Variants in HYAL4 observed in about 807,000 individuals in gnomAD.
The protein encoded by HYAL4 is hyaluronidase 4, also known as hyaluronidase-4.
In HYAL4, 37 loss-of-function variants were observed where a neutral mutation model predicts 35.2. The ratio of observed to expected loss-of-function variants is 1.05; its 90% confidence interval spans 0.81 to 1.38. The LOEUF (loss-of-function observed/expected upper bound fraction) is 1.38, where lower values mean the gene tolerates loss of function less well. HYAL4 is among the 40% of genes most tolerant of loss of function. The pLI is 0.00. For synonymous variants in HYAL4, 198 were observed against 203.2 expected (o/e 0.97, Z 0.22); for missense variants, 572 against 572.4 (o/e 1.00, Z 0.01).
chr7:123,807,371 A>G, the HYAL4 span, among the ~76,000 whole-genome samples: 1 of 151,626 alleles, frequency 6.6e-6, no homozygotes, highest in Non-Finnish European at 1.5e-5. Context: ...GGATGTCATC[A>G]TTAGAGTTCA....
At chr7:123,873,587 A>G (rs1388197321) in intron 3 of HYAL4, among the ~76,000 whole-genome samples, 1 of 152,172 alleles carries the variant, frequency 6.6e-6, no homozygotes, top group Non-Finnish European at 1.5e-5. Flanking sequence ...TCTAGCGTTT[A>G]ATTGGTAGAA....
rs567910686 is a variant in HYAL4 at position 123,849,447 on chromosome 7, C to T, written c.-52+1289C>T. Among the ~76,000 whole-genome samples the T allele has an allele frequency of 4.0e-5, 6 of 151,880 alleles. No homozygotes were observed. In the South Asian group the frequency reaches 8.3e-4, roughly 21 times the overall value. On this transcript the variant is annotated intron_variant, in intron 2 of 4. Coordinates refer to ENST00000223026, the MANE Select transcript of HYAL4 (RefSeq NM_012269.3). ...TCCTAAGTAGCTGGGATTACAGGCA[C>T]CCACCACCACGTCTGGCTAATTTTT...
At position 123,877,363 on chromosome 7, in the gene HYAL4, T is replaced by C. The variant is rs1807056540; in HGVS notation, c.*208T>C. On this transcript the variant is annotated 3_prime_UTR_variant, in exon 5 of 5. Coordinates refer to ENST00000223026, the MANE Select transcript of HYAL4 (RefSeq NM_012269.3). Reference sequence around the variant, plus strand: ...GATCTGGGGTAAAGTCAATGTACACTTCCTCCTTATTGGAATATTTAAGTT... The same window carrying C: ...GATCTGGGGTAAAGTCAATGTACACCTCCTCCTTATTGGAATATTTAAGTT... 4.1e-6 allele frequency: 2 copies of C among 485,732 alleles called. No homozygotes were observed. Among genetic ancestry groups the C allele is most frequent in the African/African-American group, 3.8e-5 (2 of 52,316 alleles). 30.1% of individuals were successfully genotyped at this position (485,732 alleles called of 1,614,324 possible). A position where few individuals can be genotyped will look rare whatever the true frequency, so the allele number is the denominator to read the frequency against.
chr7:123,788,293 A>T, the HYAL4 span, among the ~76,000 whole-genome samples: 3 of 152,208 alleles, frequency 2.0e-5, no homozygotes, highest in African/African-American at 7.2e-5. Flanking sequence ...AAAAATGCTC[A>T]ATGAACTGAA....
At chr7:123,855,755 G>A (rs1050023273) in intron 2 of HYAL4, among the ~76,000 whole-genome samples, 4 of 152,048 alleles carry the variant, frequency 2.6e-5, no homozygotes, top group Non-Finnish European at 5.9e-5. Context: ...GCCTTGCTTG[G>A]TTGGGGAAGT....
the HYAL4 span, among the ~76,000 whole-genome samples, chr7:123,811,444 T>C: frequency 6.6e-6 from 1 of 152,198 alleles, no homozygotes; most frequent in Non-Finnish European, 1.5e-5. Context: ...TCTAAGGACA[T>C]ATAATGTTGA....
chr7:123,788,840 G>A, the HYAL4 span, among the ~76,000 whole-genome samples: 4 of 152,180 alleles, frequency 2.6e-5, no homozygotes, highest in African/African-American at 4.8e-5. Context: ...ACCTCTGTTC[G>A]TAAAATTCCT....
At chr7:123,865,045 T>C (rs1399548595) in intron 2 of HYAL4, among the ~76,000 whole-genome samples, 1 of 148,792 alleles carries the variant, frequency 6.7e-6, no homozygotes, top group African/African-American at 2.5e-5. Flanking sequence ...AACTACAGTG[T>C]CTTCCCTGAG....
chr7:123,849,409 T>C (rs1249749951), intron 2 of HYAL4, among the ~76,000 whole-genome samples: 1 of 151,918 alleles, frequency 6.6e-6, no homozygotes, highest in African/African-American at 2.4e-5. Flanking sequence ...CAAGTGATTC[T>C]TCTGCCTCAG....
At chr7:123,801,769 A>G in the HYAL4 span, among the ~76,000 whole-genome samples, 3 of 152,186 alleles carry the variant, frequency 2.0e-5, no homozygotes, top group Admixed American at 6.5e-5. Context: ...TACAATTGCT[A>G]CATATTTAGG....
chr7:123,800,333 C>G, the HYAL4 span, among the ~76,000 whole-genome samples: 1 of 150,192 alleles, frequency 6.7e-6, no homozygotes, highest in Non-Finnish European at 1.5e-5. Context: ...CCATGCCCGG[C>G]TAATTTTTTG....
upstream of HYAL4, among the ~76,000 whole-genome samples, chr7:123,842,557 ACC>A (rs1383927306): frequency 2.6e-5 from 4 of 151,764 alleles, no homozygotes; most frequent in African/African-American, 9.7e-5. Flanking sequence ...ATCCTTGTTA[ACC>A]TTCTGTCATG....
In HYAL4 at chr7:123,832,404, C is replaced by T. The variant is rs901116205; in HGVS notation, c.-257+3280C>T. ...CATCACCCGAGCAGTAATCACTGAACCCGATTTGTAGTCTTTTATCCCTGA... is the reference window on the plus strand; with the variant it reads ...CATCACCCGAGCAGTAATCACTGAATCCGATTTGTAGTCTTTTATCCCTGA... On this transcript the variant is annotated intron_variant, in intron 1 of 4. Coordinates refer to the HYAL4 transcript ENST00000489978. 2.0e-5 allele frequency among the ~76,000 whole-genome samples: 3 copies of T among 149,078 alleles called. No individual in the cohort carries two copies. The East Asian group carries it at 5.9e-4, about 29-fold the overall frequency.
At chr7:123,773,060 A>G in the HYAL4 span, among the ~76,000 whole-genome samples, 5 of 152,198 alleles carry the variant, frequency 3.3e-5, no homozygotes, top group Admixed American at 2.6e-4. Flanking sequence ...CTTGTATTCC[A>G]TAAGAATATT....
chr7:123,834,504 C>T (rs1023179708), intron 1 of HYAL4, among the ~76,000 whole-genome samples: 3 of 152,092 alleles, frequency 2.0e-5, no homozygotes, highest in African/African-American at 7.2e-5. Context: ...TTAGGGTTTT[C>T]TAGGCATGCA....
chr7:123,801,172 C>A, the HYAL4 span, among the ~76,000 whole-genome samples: 7 of 152,008 alleles, frequency 4.6e-5, no homozygotes, highest in Admixed American at 6.6e-5. Context: ...AAGAATCAGC[C>A]AATGAGAATA....
At chr7:123,816,706 T>C in the HYAL4 span, among the ~76,000 whole-genome samples, 44 of 152,306 alleles carry the variant, frequency 2.9e-4, no homozygotes, top group East Asian at 7.7e-3. Context: ...GAGAAATCAA[T>C]AGACTGCATT....
chr7:123,789,434 T>C, the HYAL4 span, among the ~76,000 whole-genome samples: 1 of 152,132 alleles, frequency 6.6e-6, no homozygotes, highest in African/African-American at 2.4e-5. Flanking sequence ...CCTTGAACAA[T>C]GACATACACT....
At chr7:123,764,771 T>C in the HYAL4 span, among the ~76,000 whole-genome samples, 1 of 152,230 alleles carries the variant, frequency 6.6e-6, no homozygotes, top group Non-Finnish European at 1.5e-5. Context: ...GCCAAAGTCA[T>C]CCTCTGTAGC....
Sources: gnomAD v4.1 joint callset for allele counts (sites outside exome capture counted in the v4.1 genomes callset) on GRCh38, gnomAD v4.1.1 for gene constraint, MANE v1.5 for transcripts, NCBI Gene and HGNC (gene_info 2026-07-23, HGNC 2026-07-21) for gene names.